Variants in STPG2 observed in about 807,000 individuals in gnomAD.
STPG2 encodes the protein sperm tail PG-rich repeat containing 2, also known as sperm-tail PG-rich repeat-containing protein 2.
In STPG2, 56 loss-of-function variants were observed where a neutral mutation model predicts 54.2. The ratio of observed to expected loss-of-function variants is 1.03; its 90% CI spans 0.83 to 1.29. STPG2 has a LOEUF of 1.29. Among genes scored for constraint, STPG2 ranks in the 50% most tolerant of loss-of-function variants. The pLI is 0.00. For synonymous variants in STPG2, 200 were observed against 181.8 expected, an observed-to-expected ratio of 1.10 and a Z score of -0.81; for missense variants, 596 against 544.9, an observed-to-expected ratio of 1.09 and a Z score of -0.93.
chr4:97,631,892 T>G (rs1039168012), intron 10 of STPG2, among the ~76,000 whole-genome samples: 1 of 151,964 alleles, frequency 6.6e-6, no homozygotes, highest in African/African-American at 2.4e-5. Flanking sequence ...CAATTTATAA[T>G]AGAAATAAGA....
At chr4:97,649,391 C>T (rs537126765) in intron 10 of STPG2, among the ~76,000 whole-genome samples, 1 of 152,114 alleles carries the variant, frequency 6.6e-6, no homozygotes, top group South Asian at 2.1e-4. Context: ...CTTGTTTTGG[C>T]TTTAATTTGA....
chr4:97,601,895 A>G (rs1733472166), intron 10 of STPG2, among the ~76,000 whole-genome samples: 1 of 151,906 alleles, frequency 6.6e-6, no homozygotes, highest in South Asian at 2.1e-4. Flanking sequence ...AAACTTGAGA[A>G]TCTTCCTACT....
At chr4:97,808,114 C>G (rs1034919476) in intron 9 of STPG2, among the ~76,000 whole-genome samples, 5 of 151,828 alleles carry the variant, frequency 3.3e-5, no homozygotes, top group African/African-American at 1.2e-4. Flanking sequence ...CCAGCAGAAC[C>G]ATACTAAAAG....
chr4:98,077,225 TTTG>T (rs56140336), intron 5 of STPG2, among the ~76,000 whole-genome samples: 1,554 of 148,664 alleles, frequency 0.01, 31 homozygotes, highest in African/African-American at 0.036. Flanking sequence ...CCTCAATAGT[TTTG>T]TTGTTGTTGT....
intron 8 of STPG2, among the ~76,000 whole-genome samples, chr4:97,892,704 G>T (rs1730818930): frequency 6.6e-6 from 1 of 152,184 alleles, no homozygotes; most frequent in Non-Finnish European, 1.5e-5. Flanking sequence ...GCATGTAGAT[G>T]CTGAGCACAT....
At chr4:98,072,442 A>G (rs1738032205) in intron 5 of STPG2, among the ~76,000 whole-genome samples, 1 of 152,110 alleles carries the variant, frequency 6.6e-6, no homozygotes, top group African/African-American at 2.4e-5. Flanking sequence ...AATAACAGCT[A>G]ATGGATGTTG....
chr4:97,642,594 A>T (rs1172675881), intron 10 of STPG2, among the ~76,000 whole-genome samples: 6 of 151,502 alleles, frequency 4.0e-5, no homozygotes, highest in Non-Finnish European at 5.9e-5. Context: ...TAGAAAAATC[A>T]AAGCAGCATA....
chr4:98,079,992 AATC>A (rs1372791796), intron 5 of STPG2, among the ~76,000 whole-genome samples: 1 of 152,136 alleles, frequency 6.6e-6, no homozygotes, highest in East Asian at 1.9e-4. Flanking sequence ...AATACTTAAG[AATC>A]ATAACTTATG....
At chr4:97,711,206 A>G (rs1327137239) in intron 10 of STPG2, among the ~76,000 whole-genome samples, 1 of 152,136 alleles carries the variant, frequency 6.6e-6, no homozygotes, top group African/African-American at 2.4e-5. Context: ...AAATTGCTCA[A>G]CTAAAGATGT....
intron 9 of STPG2, among the ~76,000 whole-genome samples, chr4:97,830,131 C>T (rs756803198): frequency 4.6e-5 from 7 of 152,226 alleles, no homozygotes; most frequent in Admixed American, 4.6e-4. Flanking sequence ...AGGGAAAAGT[C>T]GCATTATCCA....
chr4:97,827,030 T>C lies in STPG2; in HGVS notation c.1204+13743A>G, dbSNP rs572159311. Among the ~76,000 whole-genome samples the C allele has an allele frequency of 5.3e-5, 8 of 152,262 alleles. No individual in the cohort carries two copies. In the South Asian group the frequency reaches 6.2e-4, roughly 12 times the overall value. ...TCCTGAATGCAGGTTTCTGATAACA[T>C]TGGAGATTATAACAGTAAAATAGAG... On this transcript the variant is annotated intron_variant, in intron 9 of 10. Transcript: ENST00000295268.
At chr4:97,749,120 C>A (rs1725504332) in intron 9 of STPG2, among the ~76,000 whole-genome samples, 1 of 151,620 alleles carries the variant, frequency 6.6e-6, no homozygotes, top group Non-Finnish European at 1.5e-5. Context: ...AAAACAATGT[C>A]TATGGACAAA....
At chr4:97,572,881 A>C (rs1314024974) in intron 10 of STPG2, among the ~76,000 whole-genome samples, 2 of 152,176 alleles carry the variant, frequency 1.3e-5, no homozygotes, top group Admixed American at 1.3e-4. Flanking sequence ...TTTTTTAATA[A>C]ATTTTACCTA....
rs113228477 is a variant in STPG2 at position 97,539,578 on chromosome 4, G to T, written c.462+173121C>A. On this transcript the variant is annotated intron_variant, in intron 4 of 4. Transcript: ENST00000522676. ...GAAACCTACAAAGAGACTTAGACTC[G>T]CACACAATAATAATGGGAGACGTTA... is the stretch of plus-strand genomic sequence containing the variant. Among the ~76,000 whole-genome samples, 838 of 152,080 alleles carry T rather than the reference G, an allele frequency of 5.5e-3. 7 individuals are homozygous for T. Among genetic ancestry groups the T allele is most frequent in the Middle Eastern group, 0.02 (6 of 294 alleles).
At chr4:97,883,090 G>T (rs571455212) in intron 8 of STPG2, among the ~76,000 whole-genome samples, 4 of 151,894 alleles carry the variant, frequency 2.6e-5, no homozygotes, top group Non-Finnish European at 5.9e-5. Context: ...GGCTAAGGTG[G>T]GAGGATCGCT....
At chr4:97,692,906 CA>C (rs1487519343) in intron 10 of STPG2, among the ~76,000 whole-genome samples, 1 of 152,102 alleles carries the variant, frequency 6.6e-6, no homozygotes, top group Non-Finnish European at 1.5e-5. Context: ...CCTCCTTAAA[CA>C]AAACAATTAT....
At chr4:97,481,531 A>G (rs1730220611) in intron 4 of STPG2, among the ~76,000 whole-genome samples, 1 of 151,570 alleles carries the variant, frequency 6.6e-6, no homozygotes, top group African/African-American at 2.4e-5. Flanking sequence ...TTTCTCACCA[A>G]TGTTTTGTAT....
At position 97,679,961 on chromosome 4, in the gene STPG2, G is replaced by A. The variant is rs1373938349; in HGVS notation, c.1320+32738C>T. On this transcript the variant is annotated intron_variant, in intron 10 of 10. Coordinates refer to ENST00000295268, the MANE Select transcript of STPG2 (RefSeq NM_174952.3). ...TAGATATGTGGCGTTATTTCTGAGG[G>A]CTCTGTTCTGTTCCATTGATTTATA... Among the ~76,000 whole-genome samples, 4 of 151,880 alleles carry A rather than the reference G, an allele frequency of 2.6e-5. No homozygotes were observed. In the East Asian group the frequency reaches 7.8e-4, roughly 29 times the overall value.
At chr4:98,043,653 T>C (rs1534319) in intron 5 of STPG2, among the ~76,000 whole-genome samples, 59,913 of 151,984 alleles carry the variant, frequency 0.39, 12,049 homozygotes, top group Middle Eastern at 0.46. Flanking sequence ...ATATTACATA[T>C]GCATTAACAT....
Sources: allele counts gnomAD v4.1 joint callset (sites outside exome capture counted in the v4.1 genomes callset), GRCh38; gene constraint gnomAD v4.1.1; transcripts MANE v1.5; gene names NCBI Gene and HGNC (gene_info 2026-07-23, HGNC 2026-07-21).